Variants in FAM163A observed in about 807,000 individuals in gnomAD.
FAM163A encodes the protein family with sequence similarity 163 member A.
A neutral mutation model predicts 12.0 loss-of-function variants in FAM163A; 7 were observed. The ratio of observed to expected loss-of-function variants is 0.58; its 90% CI spans 0.33 to 1.10. FAM163A has a LOEUF of 1.10. FAM163A is among the 50% of genes least tolerant of loss of function. The pLI is 0.03. For synonymous variants in FAM163A, 101 were observed against 91.0 expected (o/e 1.11, Z -0.62); for missense variants, 202 against 218.6 (o/e 0.92, Z 0.48).
At position 179,813,875 on chromosome 1, in the gene FAM163A, G is replaced by A; in HGVS notation, c.190G>A (p.Ala64Thr). The A allele has an allele frequency of 6.2e-7, 1 of 1,613,992 alleles. No homozygotes were observed. Residue 64 changes from alanine to threonine, a missense_variant, in exon 5 of 5, where the codon GCC becomes ACC. Physicochemically the swap from Ala to Thr is moderately conservative, Grantham distance 58. Coordinates refer to ENST00000341785, the MANE Select transcript of FAM163A (RefSeq NM_173509.3). The stretch of plus-strand genomic sequence containing the variant: ...GCATCCCAGAGGCCCCACCTGCAAT[G>A]CCTGCAGCTCCCAAGCCCTGGACGG... Reference protein sequence around the residue: ...PTHPRGPTCNACSSQALDGRG... With the variant: ...PTHPRGPTCNTCSSQALDGRG...
At chr1:179,751,855 AT>A (rs1365207762) in intron 1 of FAM163A, among the ~76,000 whole-genome samples, 1 of 152,340 alleles carries the variant, frequency 6.6e-6, no homozygotes, top group East Asian at 1.9e-4. Flanking sequence ...AGATTGGAAG[AT>A]TTAATATTTT....
chr1:179,789,248 C>T (rs1049801666), intron 1 of FAM163A, among the ~76,000 whole-genome samples: 4 of 152,132 alleles, frequency 2.6e-5, no homozygotes, highest in African/African-American at 4.8e-5. Flanking sequence ...GTGGTGCTAT[C>T]TCAGCTCACT....
At chr1:179,800,673 G>A (rs963905947) in intron 1 of FAM163A, among the ~76,000 whole-genome samples, 1 of 152,166 alleles carries the variant, frequency 6.6e-6, no homozygotes, top group Admixed American at 6.5e-5. Flanking sequence ...TTGTGTCCCT[G>A]GTGCTGGGCT....
the FAM163A span, among the ~76,000 whole-genome samples, chr1:179,737,436 A>C: frequency 6.6e-6 from 1 of 152,232 alleles, no homozygotes; most frequent in Non-Finnish European, 1.5e-5. Flanking sequence ...TCTGCCATAC[A>C]ACATAATGCC....
chr1:179,783,919 A>G (rs1266181789), intron 1 of FAM163A, among the ~76,000 whole-genome samples: 10 of 151,672 alleles, frequency 6.6e-5, no homozygotes, highest in Non-Finnish European at 1.3e-4. Flanking sequence ...GGGATACACT[A>G]GTTGGCTATA....
chr1:179,780,510 T>G (rs1195403145), intron 1 of FAM163A, among the ~76,000 whole-genome samples: 3 of 152,318 alleles, frequency 2.0e-5, no homozygotes, highest in African/African-American at 4.8e-5. Context: ...TGACCATTAG[T>G]CAATATGCCA....
chr1:179,796,132 T>TAC (rs35899165), intron 1 of FAM163A, among the ~76,000 whole-genome samples: 7,039 of 145,366 alleles, frequency 0.048, 240 homozygotes, highest in African/African-American at 0.092. Flanking sequence ...CATTCAATAA[T>TAC]ACACACACAC....
intron 2 of FAM163A, among the ~76,000 whole-genome samples, chr1:179,811,444 G>C (rs896265889): frequency 6.6e-6 from 1 of 152,180 alleles, no homozygotes; most frequent in Admixed American, 6.5e-5. Flanking sequence ...CGTCCCATGG[G>C]CTTGTCAAAC....
At chr1:179,730,310 G>A in the FAM163A span, 1 of 152,258 alleles carries the variant, frequency 6.6e-6, no homozygotes, top group African/African-American at 2.4e-5. Context: ...GCAGAAGGAG[G>A]AGAACCCCCG....
intron 1 of FAM163A, among the ~76,000 whole-genome samples, chr1:179,798,132 A>G (rs187779503): frequency 1.3e-5 from 2 of 152,258 alleles, no homozygotes; most frequent in East Asian, 3.9e-4. Context: ...CGGGTGGCTG[A>G]TACACAAGAA....
rs141423025 is a variant in FAM163A, at chr1:179,785,211, C to T, written c.-135-22587C>T. ...TGGCAACTGATTAGATTTGCTCCTC[C>T]CTTGCCTGGTATATAAGTTACCACT... On this transcript the variant is annotated intron_variant, in intron 1 of 4. Transcript: ENST00000341785. Among the ~76,000 whole-genome samples the T allele has an allele frequency of 1.7e-3, 261 of 152,314 alleles. 3 individuals carry two copies. The highest frequency in any genetic ancestry group is 6.0e-3 in the African/African-American group (248 of 41,564).
rs1438584089 is a variant in FAM163A, at chr1:179,813,154, C to T, written c.57C>T (p.Leu19=). 1.3e-6 allele frequency: 2 copies of T among 1,551,844 alleles called. No individual in the cohort carries two copies. Among genetic ancestry groups the T allele is most frequent in the African/African-American group, 2.7e-5 (2 of 73,098 alleles). Residue 19 remains leucine, a synonymous_variant, in exon 4 of 5, where the codon CTC becomes CTT. Transcript: ENST00000341785. ...GAATCCTAGCTACGGTGATCCTCCT[C>T]TGCATCATTGCCGTCCTGTGCTACT... ...TGGILATVIL[L]CIIAVLCYCR... is the part of the protein sequence containing the mutation.
upstream of FAM163A, among the ~76,000 whole-genome samples, chr1:179,740,751 G>A (rs1216201973): frequency 6.6e-6 from 1 of 152,180 alleles, no homozygotes; most frequent in Non-Finnish European, 1.5e-5. Flanking sequence ...AGGATGCACA[G>A]GGGAAACAGG....
At chr1:179,805,926 AC>A (rs1046844077) in intron 1 of FAM163A, among the ~76,000 whole-genome samples, 3 of 151,968 alleles carry the variant, frequency 2.0e-5, no homozygotes, top group African/African-American at 7.3e-5. Context: ...GTCTTTTGCA[AC>A]CCCTTGCTCA....
chr1:179,751,715 G>A (rs548275846), intron 1 of FAM163A, among the ~76,000 whole-genome samples: 24 of 152,212 alleles, frequency 1.6e-4, no homozygotes, highest in South Asian at 1.0e-3. Flanking sequence ...AGAAAAAAAA[G>A]CCAGTGTGGA....
intron 1 of FAM163A, among the ~76,000 whole-genome samples, chr1:179,771,966 T>C (rs1398278890): frequency 6.6e-6 from 1 of 152,070 alleles, no homozygotes. Flanking sequence ...TGCAGGTCAG[T>C]TTTTTGAGAT....
chr1:179,747,829 G>C (rs1428362930), intron 1 of FAM163A, among the ~76,000 whole-genome samples: 1 of 151,988 alleles, frequency 6.6e-6, no homozygotes, highest in Non-Finnish European at 1.5e-5. Context: ...GCACAGTTCA[G>C]AAACAAAGCA....
intron 1 of FAM163A, among the ~76,000 whole-genome samples, chr1:179,746,136 C>G (rs1004679102): frequency 3.3e-5 from 5 of 152,204 alleles, no homozygotes; most frequent in African/African-American, 1.2e-4. Context: ...TGTAGAAAAA[C>G]AGGTACTTTC....
At chr1:179,778,879 A>C (rs558190977) in intron 1 of FAM163A, among the ~76,000 whole-genome samples, 16 of 152,218 alleles carry the variant, frequency 1.1e-4, no homozygotes, top group Non-Finnish European at 1.9e-4. Flanking sequence ...GCATAGCCAG[A>C]CAGACAGACA....
Sources: allele counts gnomAD v4.1 joint callset (sites outside exome capture counted in the v4.1 genomes callset), GRCh38; gene constraint gnomAD v4.1.1; transcripts MANE v1.5; gene names NCBI Gene and HGNC (gene_info 2026-07-23, HGNC 2026-07-21).